Variants in USP33 observed in about 807,000 individuals in gnomAD.
USP33 encodes ubiquitin carboxyl-terminal hydrolase 33.
USP33 carries 46 observed loss-of-function variants against 124.2 expected under a neutral mutation model. That is an observed-to-expected ratio of 0.37 (90% confidence interval 0.29 to 0.47). USP33 has a LOEUF of 0.47. USP33 is among the 20% of genes least tolerant of loss of function. USP33 has a pLI of 0.99. For synonymous variants in USP33, 350 were observed against 352.3 expected (o/e 0.99, Z 0.07); for missense variants, 851 against 1,070.6 (o/e 0.79, Z 2.86).
rs907051767 is a variant in USP33 at position 77,745,109 on chromosome 1, G to A, written c.-51-3361C>T. Among the ~76,000 whole-genome samples, 5 of 152,184 alleles carry A rather than the reference G, an allele frequency of 3.3e-5. No individual in the cohort carries two copies. In the East Asian group the frequency reaches 7.7e-4, roughly 23 times the overall value. ...TTGCTTTATGAATGTGGGTGCTCCTGTATTGGGTGCATATATATTTAGGAT... is the reference window on the plus strand; with the variant it reads ...TTGCTTTATGAATGTGGGTGCTCCTATATTGGGTGCATATATATTTAGGAT... On this transcript the variant is annotated intron_variant, in intron 1 of 23. Transcript: ENST00000370794.
intron 7 of USP33, 30 bp downstream of exon 7, chr1:77,734,317 A>T (rs373012009): frequency 1.1e-4 from 164 of 1,501,718 alleles, no homozygotes; most frequent in Non-Finnish European, 1.4e-4. Context: ...AAAATTATAC[A>T]AATAAAACAA....
chr1:77,713,542 AC>A, intron 19 of USP33: 1 of 222,642 alleles, frequency 4.5e-6, no homozygotes, highest in Non-Finnish European at 8.2e-6. Flanking sequence ...GCTTCAACAC[AC>A]CCAGCTAACT....
intron 21 of USP33, among the ~76,000 whole-genome samples, chr1:77,708,575 T>C (rs1343767155): frequency 1.3e-5 from 2 of 152,246 alleles, no homozygotes; most frequent in East Asian, 1.9e-4. Context: ...AAGGGCTTTA[T>C]GCAGTTTTGA....
chr1:77,748,687 T>C (rs945156150), intron 1 of USP33, among the ~76,000 whole-genome samples: 3 of 145,830 alleles, frequency 2.1e-5, no homozygotes, highest in Non-Finnish European at 1.5e-5. Context: ...AAAAAAGAAA[T>C]GGTCTTGATG....
chr1:77,750,628 GAAAGAAAGAA>G (rs780788864), intron 1 of USP33, among the ~76,000 whole-genome samples: 6 of 35,402 alleles, frequency 1.7e-4, no homozygotes, highest in East Asian at 5.0e-4. Context: ...ACTTAAAAAA[GAAAGAAAGAA>G]AGAAAGAAAG....
intron 22 of USP33, 38 bp downstream of exon 22, chr1:77,701,327 CAAAT>C (rs766889211): frequency 2.1e-6 from 3 of 1,418,066 alleles, no homozygotes; most frequent in Middle Eastern, 1.8e-4. Flanking sequence ...AACAAAAAAA[CAAAT>C]AATTTACCAA....
At chr1:77,698,764 T>C (rs866484865) in intron 22 of USP33, among the ~76,000 whole-genome samples, 1 of 151,910 alleles carries the variant, frequency 6.6e-6, no homozygotes, top group South Asian at 2.1e-4. Flanking sequence ...CCTCCCAAAG[T>C]GCTGGGATGA....
intron 10 of USP33, among the ~76,000 whole-genome samples, chr1:77,727,027 C>A (rs985613389): frequency 2.6e-5 from 4 of 152,126 alleles, no homozygotes; most frequent in African/African-American, 9.7e-5. Context: ...AATGCAAAAT[C>A]ATTTTTCACA....
intron 15 of USP33, among the ~76,000 whole-genome samples, chr1:77,720,868 T>C (rs563816532): frequency 8.1e-4 from 124 of 152,352 alleles, no homozygotes; most frequent in African/African-American, 3.0e-3. Flanking sequence ...TTCCTGAATC[T>C]AGCCTGTTAA....
chr1:77,721,152 G>A lies in USP33; in HGVS notation c.1691+20C>T, dbSNP rs1463517784. ...AAAAATACACAACATGCAATTAAAA[G>A]CACTGTCAATGTCACTTACTTTTTG... is the stretch of plus-strand genomic sequence containing the variant. On this transcript the variant is annotated intron_variant, in intron 15 of 23. Coordinates refer to ENST00000370794, the MANE Select transcript of USP33 (RefSeq NM_201624.3). 1.9e-6 allele frequency: 3 copies of A among 1,613,118 alleles called. No individual in the cohort carries two copies. Among genetic ancestry groups the A allele is most frequent in the African/African-American group, 2.7e-5 (2 of 74,876 alleles).
At chr1:77,725,049 C>CA (rs199676040) in intron 11 of USP33, among the ~76,000 whole-genome samples, 22 of 149,090 alleles carry the variant, frequency 1.5e-4, no homozygotes, top group Admixed American at 7.3e-4. Flanking sequence ...CAAAACAAAA[C>CA]AAAAAAAAAG....
At chr1:77,716,192 G>A (rs1288265327) in intron 17 of USP33, among the ~76,000 whole-genome samples, 1 of 152,066 alleles carries the variant, frequency 6.6e-6, no homozygotes, top group Non-Finnish European at 1.5e-5. Context: ...CTGAGTAATT[G>A]GAACTACAGG....
chr1:77,757,586 C>T (rs149541095), intron 1 of USP33, among the ~76,000 whole-genome samples: 211 of 152,282 alleles, frequency 1.4e-3, no homozygotes, highest in African/African-American at 4.9e-3. Flanking sequence ...TACTTATTCC[C>T]TTCCTTTTTA....
chr1:77,741,090 A>C, intron 3 of USP33, 151 bp from the exon 4 acceptor site: 1 of 639,920 alleles, frequency 1.6e-6, no homozygotes, highest in South Asian at 2.6e-5. Context: ...ATTTAACCAA[A>C]TGTTTCCAGG....
intron 2 of USP33, 55 bp downstream of exon 2, chr1:77,741,562 C>T (rs1312404155): frequency 1.3e-6 from 2 of 1,548,396 alleles, no homozygotes; most frequent in East Asian, 2.3e-5. Flanking sequence ...ATGAAAATTA[C>T]ACATTCAAGA....
In USP33 at chr1:77,714,707, G is replaced by A; in HGVS notation, c.2122C>T (p.Gln708Ter). 2 of 1,613,096 alleles carry A rather than the reference G, an allele frequency of 1.2e-6. No individual in the cohort carries two copies. The highest frequency in any genetic ancestry group is 1.7e-6 in the Non-Finnish European group (2 of 1,179,952). ...LLNIMEPSLL[Q>*]FYISRQWLNK... ...AGCCACTGTCGAGAAATATAAAACT[G>A]AAGGAGGCTTGGTTCCATTATGTTC... Residue 708 changes from glutamine (Q) to a stop codon, truncating the protein, a stop_gained, in exon 19 of 24, where the codon CAG becomes TAG. Coordinates refer to ENST00000370794, the MANE Select transcript of USP33 (RefSeq NM_201624.3). LOFTEE classifies it high-confidence loss of function.
chr1:77,741,229 T>G (rs531809076), intron 3 of USP33, 147 bp downstream of exon 3: 1 of 772,712 alleles, frequency 1.3e-6, no homozygotes, highest in Admixed American at 3.0e-5. Context: ...TTTCCAAAGT[T>G]TAATTTTTGT....
chr1:77,728,423 T>G lies in USP33; in HGVS notation c.1007A>C (p.Lys336Thr). The G allele has an allele frequency of 1.2e-6, 2 of 1,614,118 alleles. No homozygotes were observed. The highest frequency in any genetic ancestry group is 1.7e-6 in the Non-Finnish European group (2 of 1,180,008). Residue 336 changes from lysine to threonine, a missense_variant, in exon 10 of 24, where the codon AAG becomes ACG. Physicochemically the swap from Lys to Thr is moderately conservative, Grantham distance 78. Coordinates refer to ENST00000370794, the MANE Select transcript of USP33 (RefSeq NM_201624.3). Reference protein sequence around the residue: ...SEMSKDWQKEKMCNKINKVNS... With the variant: ...SEMSKDWQKETMCNKINKVNS... ...TACTTTATTAATCTTATTGCACATC[T>G]TCTCTTTTTGCCAATCCTTTGACAT...
chr1:77,753,528 T>C (rs963875451), intron 1 of USP33, among the ~76,000 whole-genome samples: 1 of 152,142 alleles, frequency 6.6e-6, no homozygotes, highest in Non-Finnish European at 1.5e-5. Context: ...AGATTATATC[T>C]GGAATACAGT....
Sources: gnomAD v4.1 joint callset for allele counts (sites outside exome capture counted in the v4.1 genomes callset) on GRCh38, gnomAD v4.1.1 for gene constraint, MANE v1.5 for transcripts, NCBI Gene and HGNC (gene_info 2026-07-23, HGNC 2026-07-21) for gene names.